Variants in RAB3C observed in about 807,000 individuals in gnomAD.
RAB3C encodes the protein RAB3C, member RAS oncogene family, also known as ras-related protein Rab-3C.
A neutral mutation model predicts 26.4 loss-of-function variants in RAB3C; 17 were observed. The ratio of observed to expected loss-of-function variants is 0.64; its 90% confidence interval spans 0.44 to 0.97. The LOEUF (loss-of-function observed/expected upper bound fraction) is 0.97, where lower values mean the gene tolerates loss of function less well. Among genes scored for constraint, RAB3C ranks in the 50% least tolerant of loss-of-function variants. RAB3C has a pLI of 0.00. For missense variants in RAB3C, 242 were observed against 281.9 expected, an observed-to-expected ratio of 0.86 and a Z score of 1.01; for synonymous variants, 91 against 95.9, an observed-to-expected ratio of 0.95 and a Z score of 0.30.
chr5:58,698,029 A>G (rs1748756751), intron 2 of RAB3C, among the ~76,000 whole-genome samples: 1 of 152,114 alleles, frequency 6.6e-6, no homozygotes. Flanking sequence ...TGGTCTTTAC[A>G]ATTTGGGATG....
At chr5:58,822,608 C>A in intron 3 of RAB3C, 1 of 296,902 alleles carries the variant, frequency 3.4e-6, no homozygotes, top group Admixed American at 3.9e-5. Context: ...CAGAAACACT[C>A]TGTGATACAG....
intron 2 of RAB3C, among the ~76,000 whole-genome samples, chr5:58,675,434 T>G (rs1164716217): frequency 2.6e-5 from 4 of 152,140 alleles, no homozygotes; most frequent in Non-Finnish European, 5.9e-5. Flanking sequence ...AATTTAAGTT[T>G]TCTGTTTCTT....
chr5:58,707,077 C>T (rs1049853874), intron 2 of RAB3C, among the ~76,000 whole-genome samples: 1 of 152,140 alleles, frequency 6.6e-6, no homozygotes, highest in Middle Eastern at 3.2e-3. Flanking sequence ...TGCTTGTCAA[C>T]TTTAAGCAAA....
chr5:58,706,319 G>A (rs1748942766), intron 2 of RAB3C, among the ~76,000 whole-genome samples: 1 of 151,978 alleles, frequency 6.6e-6, no homozygotes, highest in African/African-American at 2.4e-5. Flanking sequence ...GGCCACCTTG[G>A]GCATTCGTCT....
chr5:58,586,453 A>G (rs1158495836), intron 1 of RAB3C, among the ~76,000 whole-genome samples: 1 of 152,120 alleles, frequency 6.6e-6, no homozygotes, highest in Admixed American at 6.5e-5. Context: ...AGAAAGAAAA[A>G]TTGGCCCTAT....
rs994578196 is a variant in RAB3C at position 58,829,007 on chromosome 5, G to A, written c.496+3845G>A. The stretch of plus-strand genomic sequence containing the variant: ...CAACCCCTGCCTCCTGGGTTCAAGC[G>A]ATTCTCCTGCCTCAGCCTCCCAAGT... On this transcript the variant is annotated intron_variant, in intron 4 of 4. Transcript: ENST00000282878. Among the ~76,000 whole-genome samples the A allele has an allele frequency of 4.0e-5, 6 of 150,438 alleles. No individual in the cohort carries two copies. The South Asian group carries it at 8.4e-4, about 21-fold the overall frequency.
At chr5:58,688,874 A>G (rs1247190967) in intron 2 of RAB3C, among the ~76,000 whole-genome samples, 1 of 152,038 alleles carries the variant, frequency 6.6e-6, no homozygotes, top group Non-Finnish European at 1.5e-5. Context: ...CATGTATTTG[A>G]TTTGTTTTTG....
At chr5:58,730,249 G>A (rs990681378) in intron 3 of RAB3C, among the ~76,000 whole-genome samples, 2 of 151,512 alleles carry the variant, frequency 1.3e-5, no homozygotes, top group Admixed American at 1.3e-4. Context: ...AGCACAAAAT[G>A]GATATTTTAA....
chr5:58,756,795 A>G (rs1741678000), intron 3 of RAB3C, among the ~76,000 whole-genome samples: 1 of 150,952 alleles, frequency 6.6e-6, no homozygotes, highest in Admixed American at 6.6e-5. Flanking sequence ...ATGGCTGCAC[A>G]GTATTCCATG....
At chr5:58,832,228 G>T (rs1743628529) in intron 4 of RAB3C, among the ~76,000 whole-genome samples, 1 of 152,166 alleles carries the variant, frequency 6.6e-6, no homozygotes, top group East Asian at 1.9e-4. Flanking sequence ...TTGGGGATCA[G>T]AAGAGGAGTA....
intron 2 of RAB3C, among the ~76,000 whole-genome samples, chr5:58,625,528 A>G (rs141960259): frequency 9.2e-5 from 14 of 152,238 alleles, no homozygotes; most frequent in Non-Finnish European, 1.6e-4. Flanking sequence ...CAGGACTTCT[A>G]TCCCAAGACT....
intron 2 of RAB3C, among the ~76,000 whole-genome samples, chr5:58,683,567 TCC>T (rs1748388653): frequency 6.6e-6 from 1 of 152,184 alleles, no homozygotes. Flanking sequence ...GTATAGTTGT[TCC>T]CCCTTATCCA....
rs187813870 is a variant in RAB3C at position 58,647,416 on chromosome 5, C to T, written c.252+29546C>T. On this transcript the variant is annotated intron_variant, in intron 2 of 4. Coordinates refer to ENST00000282878, the MANE Select transcript of RAB3C (RefSeq NM_138453.4). ...AAACACTTATAAAACCATCAGATCTCGTGAGCACTCACTCATTATCATGAG... is the reference window on the plus strand; with the variant it reads ...AAACACTTATAAAACCATCAGATCTTGTGAGCACTCACTCATTATCATGAG... Among the ~76,000 whole-genome samples, 4 of 152,108 alleles carry T rather than the reference C, an allele frequency of 2.6e-5. 1 individual carries two copies. The highest frequency in any genetic ancestry group is 4.2e-4 in the South Asian group (2 of 4,808).
At chr5:58,836,029 C>T (rs1326986651) in intron 4 of RAB3C, among the ~76,000 whole-genome samples, 1 of 152,146 alleles carries the variant, frequency 6.6e-6, no homozygotes, top group East Asian at 1.9e-4. Flanking sequence ...TCACACTAAC[C>T]AAACTCACAG....
At chr5:58,672,576 TA>T (rs1011614473) in intron 2 of RAB3C, among the ~76,000 whole-genome samples, 1 of 152,210 alleles carries the variant, frequency 6.6e-6, no homozygotes, top group African/African-American at 2.4e-5. Context: ...TGTATCATTC[TA>T]ATTCATGCCT....
rs375482358 is a variant in RAB3C, at chr5:58,636,060, C to T, written c.252+18190C>T. Reference sequence around the variant, plus strand: ...CATTAATTACCTGTTTGACTCATTGCGCTCAAGCCAGCAAACTTGAGGCAG... The same window carrying T: ...CATTAATTACCTGTTTGACTCATTGTGCTCAAGCCAGCAAACTTGAGGCAG... On this transcript the variant is annotated intron_variant, in intron 2 of 4. Transcript: ENST00000282878. Among the ~76,000 whole-genome samples the T allele has an allele frequency of 2.2e-4, 34 of 152,270 alleles. No homozygotes were observed. In the East Asian group the frequency reaches 3.9e-3, roughly 17 times the overall value.
At chr5:58,695,028 T>C (rs1408099334) in intron 2 of RAB3C, among the ~76,000 whole-genome samples, 1 of 152,202 alleles carries the variant, frequency 6.6e-6, no homozygotes, top group Non-Finnish European at 1.5e-5. Context: ...TGAATGGTAT[T>C]GCCTAGGTTT....
chr5:58,704,951 GT>G (rs1748914948), intron 2 of RAB3C, among the ~76,000 whole-genome samples: 1 of 152,030 alleles, frequency 6.6e-6, no homozygotes, highest in South Asian at 2.1e-4. Context: ...AATTGTATGA[GT>G]TTCCTTTTAC....
At chr5:58,739,781 T>A (rs928891977) in intron 3 of RAB3C, among the ~76,000 whole-genome samples, 1 of 152,222 alleles carries the variant, frequency 6.6e-6, no homozygotes, top group African/African-American at 2.4e-5. Context: ...GTGGCCTCAA[T>A]CTTATGGTCT....
Sources: gnomAD v4.1 joint callset for allele counts (sites outside exome capture counted in the v4.1 genomes callset) on GRCh38, gnomAD v4.1.1 for gene constraint, MANE v1.5 for transcripts, NCBI Gene and HGNC (gene_info 2026-07-23, HGNC 2026-07-21) for gene names.